POLE: variants seen among roughly 807,000 people sequenced by gnomAD.
POLE encodes DNA polymerase epsilon, catalytic subunit, also known as DNA polymerase epsilon catalytic subunit A.
Under a neutral mutation model 279.2 loss-of-function variants are expected in POLE, and 188 were observed. The observed-to-expected ratio is 0.67, with a 90% CI of 0.60 to 0.76. The LOEUF is 0.76. Ranked by LOEUF, POLE falls within the 30% of genes least tolerant of loss-of-function variation. POLE has a pLI of 0.00. For synonymous variants in POLE, 1,214 were observed against 1,172.5 expected, an observed-to-expected ratio of 1.04 and a Z score of -0.72; for missense variants, 2,703 against 3,016.7, an observed-to-expected ratio of 0.90 and a Z score of 2.44.
chr12:132,625,390 T>C (rs1267573830), intron 47 of POLE: 1 of 744,602 alleles, frequency 1.3e-6, no homozygotes, highest in Non-Finnish European at 2.5e-6. Context: ...TTTCCTTCTC[T>C]TCACACTTGG....
At chr12:132,679,462 A>C in intron 6 of POLE, 35 bp downstream of exon 6, 1 of 1,581,772 alleles carries the variant, frequency 6.3e-7, no homozygotes, top group African/African-American at 1.3e-5. Flanking sequence ...GTCGTTCTGA[A>C]CCGCTGATGC....
Position 132,639,102 on chromosome 12 carries a change from G to C in POLE, c.5552+23C>G, listed in dbSNP as rs760061380. On this transcript the variant is annotated intron_variant, in intron 40 of 48. Transcript: ENST00000320574. This position sits in a 1 kb window ranked among gnomAD's most constrained non-coding sequence, Gnocchi z 4.7. ...AGCCCAGCTGAGGACGCGGTGGACA[G>C]CCCAGGGAGGAGGAGCACTCACTGC... 3.1e-6 allele frequency: 5 copies of C among 1,611,044 alleles called. No individual in the cohort carries two copies. The highest frequency in any genetic ancestry group is 4.2e-6 in the Non-Finnish European group (5 of 1,177,492).
chr12:132,676,207 A>C lies in POLE; in HGVS notation c.910-3T>G, dbSNP rs1279665837. 6.2e-7 allele frequency: 1 copy of C among 1,605,066 alleles called. No homozygotes were observed. The highest frequency in any genetic ancestry group is 8.5e-7 in the Non-Finnish European group (1 of 1,172,468). ...TCCCTGTTGGTGATGAGGTAGCCCTAGCCAAGTTCATTAGCAATCAGCACA... is the reference window on the plus strand; with the variant it reads ...TCCCTGTTGGTGATGAGGTAGCCCTCGCCAAGTTCATTAGCAATCAGCACA... On this transcript the variant is annotated splice_polypyrimidine_tract_variant and splice_region_variant and intron_variant, in intron 9 of 48. Transcript: ENST00000320574.
At position 132,680,523 on chromosome 12, in the gene POLE, G is replaced by C. The variant is rs2043143996; in HGVS notation, c.285+84C>G. 5 of 1,082,378 alleles carry C rather than the reference G, an allele frequency of 4.6e-6. No individual in the cohort carries two copies. In the East Asian group the frequency reaches 9.4e-5, roughly 20 times the overall value. The allele number at this position is 1,082,378 out of a possible 1,614,324, so 67.0% of individuals were successfully genotyped here. On this transcript the variant is annotated intron_variant, in intron 3 of 48. Coordinates refer to ENST00000320574, the MANE Select transcript of POLE (RefSeq NM_006231.4). ...GGCTATGGGCTGCTGTGCACTGGAA[G>C]CCTCCCATGCCCTCCCTGACAGTCA...
chr12:132,643,750 C>G (rs968422932), intron 33 of POLE, 87 bp downstream of exon 33: 19 of 1,515,292 alleles, frequency 1.3e-5, no homozygotes, highest in African/African-American at 2.8e-5. Flanking sequence ...CTGCTGTTCC[C>G]CAGCCCACAC....
chr12:132,657,952 A>G lies in POLE; in HGVS notation c.3294T>C (p.Ile1098=), dbSNP rs1565954127. 6.2e-7 allele frequency: 1 copy of G among 1,613,652 alleles called. No homozygotes were observed. Among genetic ancestry groups the G allele is most frequent in the Admixed American group, 1.7e-5 (1 of 60,022 alleles). ...PVTERAIPLA[I]FQAEPTVRKH... ...TCCTCACCGTGGGCTCTGCTTGGAAAATGGCAAGTGGGATGGCCCTGGGTA... is the reference window on the plus strand; with the variant it reads ...TCCTCACCGTGGGCTCTGCTTGGAAGATGGCAAGTGGGATGGCCCTGGGTA... The change falls in exon 27 of 49, where the codon ATT becomes ATC. Residue 1098 remains isoleucine, a synonymous_variant. Transcript: ENST00000320574.
In POLE at chr12:132,625,763, GC is replaced by G. The variant is rs1566308645; in HGVS notation, c.6538del (p.Ala2180ArgfsTer22). 4 of 1,610,772 alleles carry G rather than the reference GC, an allele frequency of 2.5e-6. No individual in the cohort carries two copies. In the Admixed American group the frequency reaches 6.7e-5, roughly 27 times the overall value. On this transcript the variant is annotated frameshift_variant, in exon 47 of 49. Transcript: ENST00000320574. LOFTEE classifies it high-confidence loss of function. ...CKDSSFSEDGAVLPQWLCSNC... is the reference protein window; with the variant it reads ...CKDSSFSEDGXVLPQWLCSNC... Reference sequence around the variant, plus strand: ...GGAGCAGAGCCACTGAGGCAGGACCGCCCCATCCTAGGCAGAGCAAGAGTGC... The same window carrying G: ...GGAGCAGAGCCACTGAGGCAGGACCGCCCATCCTAGGCAGAGCAAGAGTGC...
chr12:132,654,147 T>C (rs2042482229), intron 29 of POLE, among the ~76,000 whole-genome samples: 1 of 152,104 alleles, frequency 6.6e-6, no homozygotes, highest in Non-Finnish European at 1.5e-5. Context: ...TTGCCAAGGT[T>C]ACCAAATGAG....
rs5745044 is a variant in POLE, at chr12:132,631,302, G to C, written c.6330+1013C>G. 8.9e-3 allele frequency among the ~76,000 whole-genome samples: 1,359 copies of C among 152,326 alleles called. 15 individuals are homozygous for C. Among genetic ancestry groups the C allele is most frequent in the African/African-American group, 0.031 (1,299 of 41,568 alleles). On this transcript the variant is annotated intron_variant, in intron 45 of 48. Coordinates refer to ENST00000320574, the MANE Select transcript of POLE (RefSeq NM_006231.4). Reference sequence around the variant, plus strand: ...AAGGGTGTCAGGTGAGGAGGGCAGTGCGGGGAATGTTTTCGGGCGGTGACT... The same window carrying C: ...AAGGGTGTCAGGTGAGGAGGGCAGTCCGGGGAATGTTTTCGGGCGGTGACT...
intron 31 of POLE, 112 bp downstream of exon 31, chr12:132,649,193 GA>G: frequency 6.7e-7 from 1 of 1,496,498 alleles, no homozygotes; most frequent in South Asian, 1.2e-5. Flanking sequence ...CGATGGGCAG[GA>G]AACTCCAGGC....
chr12:132,645,971 A>G (rs555707566), intron 32 of POLE, among the ~76,000 whole-genome samples: 44 of 152,222 alleles, frequency 2.9e-4, no homozygotes, highest in Non-Finnish European at 4.3e-4. Context: ...TCTCAACATA[A>G]CCTCTCAACG....
rs1414906675 is a variant in POLE, at chr12:132,676,075, C to T, written c.1020+19G>A. The T allele has an allele frequency of 6.6e-7, 1 of 1,520,112 alleles. No homozygotes were observed. The highest frequency in any genetic ancestry group is 2.2e-5 in the East Asian group (1 of 44,484). 94.2% of individuals were successfully genotyped at this position (1,520,112 alleles called of 1,614,324 possible). ...TCTTCCCACAATACCGGGTAGTTTC[C>T]CAAGTGATACCTCCTTACCTCATCG... On this transcript the variant is annotated intron_variant, in intron 10 of 48. Transcript: ENST00000320574.
intron 42 of POLE, among the ~76,000 whole-genome samples, chr12:132,635,051 G>A (rs914444993): frequency 3.9e-5 from 6 of 152,110 alleles, no homozygotes; most frequent in Non-Finnish European, 7.4e-5. Context: ...TGAGCCCCTG[G>A]CTCTGGTACC....
chr12:132,665,521 G>A (rs1225979367), intron 20 of POLE, 71 bp from the exon 21 acceptor site: 2 of 1,496,408 alleles, frequency 1.3e-6, no homozygotes, highest in Non-Finnish European at 1.8e-6. Context: ...CAATAGCCCA[G>A]GTTTTTAGTA....
rs997954537 is a variant in POLE at position 132,668,550 on chromosome 12, C to A, written c.2027-48G>T. On this transcript the variant is annotated intron_variant, in intron 18 of 48. Coordinates refer to ENST00000320574, the MANE Select transcript of POLE (RefSeq NM_006231.4). This position sits in a 1 kb window ranked among gnomAD's most constrained non-coding sequence, Gnocchi z 4.0. ...AAGTTCAAAAGGAGGCACAGACACA[C>A]CGGCTTCCCACCAAGTGGAGAAAGG... 1.9e-6 allele frequency: 3 copies of A among 1,581,010 alleles called. No individual in the cohort carries two copies. Among genetic ancestry groups the A allele is most frequent in the Admixed American group, 1.7e-5 (1 of 57,804 alleles).
chr12:132,660,748 G>A (rs911458053), intron 25 of POLE: 20 of 383,688 alleles, frequency 5.2e-5, no homozygotes, highest in Non-Finnish European at 9.3e-5. Flanking sequence ...GGCTTATCAC[G>A]CTATTTAGAA....
rs760333190 is a variant in POLE, at chr12:132,664,075, T to C, written c.2635A>G (p.Lys879Glu). Residue 879 changes from lysine to glutamate, a missense_variant, in exon 23 of 49, where the codon AAG (lysine) becomes GAG (glutamate). Physicochemically the swap from Lys to Glu is moderately conservative, Grantham distance 56 (BLOSUM62 1). Transcript: ENST00000320574. The surrounding 1 kb of genome is among the most constrained non-coding windows in gnomAD (Gnocchi z 5.3). Reference sequence around the variant, plus strand: ...TTGGGCTTCTTCACATTGGTCGTCTTGAAGACAAAATTTTCTGGGAAGCTG... The same window carrying C: ...TTGGGCTTCTTCACATTGGTCGTCTCGAAGACAAAATTTTCTGGGAAGCTG... ...PNSFPENFVFKTTNVKKPKVT... is the reference protein window; with the variant it reads ...PNSFPENFVFETTNVKKPKVT... 2 of 1,614,230 alleles carry C rather than the reference T, an allele frequency of 1.2e-6. No individual in the cohort carries two copies. The highest frequency in any genetic ancestry group is 1.7e-6 in the Non-Finnish European group (2 of 1,180,022).
At chr12:132,626,029 G>C (rs1428689324) in intron 46 of POLE, 88 bp downstream of exon 46, 2 of 1,337,462 alleles carry the variant, frequency 1.5e-6, no homozygotes, top group African/African-American at 2.9e-5. Flanking sequence ...GTGACCCACA[G>C]AGCTGGAGCT....
rs1276810457 is a variant in POLE, at chr12:132,676,121, G to C, written c.993C>G (p.Pro331=). The C allele has an allele frequency of 6.2e-7, 1 of 1,610,222 alleles. No homozygotes were observed. The highest frequency in any genetic ancestry group is 8.5e-7 in the Non-Finnish European group (1 of 1,178,022). Reference sequence around the variant, plus strand: ...CATCGGGTTCATTGAAGACACAAAAGGGGCCTTCATATTCTGGCTTGGGGG... The same window carrying C: ...CATCGGGTTCATTGAAGACACAAAACGGGCCTTCATATTCTGGCTTGGGGG... ...EFTPKPEYEG[P]FCVFNEPDEA... is the part of the protein sequence containing the mutation. The change falls in exon 10 of 49, where the codon CCC becomes CCG. Residue 331 remains proline, a synonymous_variant. Transcript: ENST00000320574.
Sources: gnomAD v4.1 joint callset for allele counts (sites outside exome capture counted in the v4.1 genomes callset) on GRCh38, gnomAD v4.1.1 for gene constraint, Gnocchi (gnomAD v3.1) non-coding constraint, MANE v1.5 for transcripts, NCBI Gene and HGNC (gene_info 2026-07-23, HGNC 2026-07-21) for gene names.